LAMA3: variants seen among roughly 807,000 people sequenced by gnomAD.
LAMA3 encodes the protein laminin subunit alpha 3.
Under a neutral mutation model 402.0 loss-of-function variants are expected in LAMA3, and 281 were observed. The observed-to-expected ratio is 0.70, with a 90% CI of 0.63 to 0.77. The LOEUF is 0.77. Ranked by LOEUF, LAMA3 falls within the 30% of genes least tolerant of loss-of-function variation. The pLI, the probability that LAMA3 is intolerant of heterozygous loss-of-function variation, is 0.00. For missense variants in LAMA3, 3,840 were observed against 4,215.5 expected (o/e 0.91, Z 2.47); for synonymous variants, 1,431 against 1,558.4 (o/e 0.92, Z 1.93).
At chr18:23,794,024 A>G (rs573097816) in intron 12 of LAMA3, among the ~76,000 whole-genome samples, 6 of 152,382 alleles carry the variant, frequency 3.9e-5, no homozygotes, top group African/African-American at 1.4e-4. Flanking sequence ...GAAGATACAC[A>G]TAAGACGAGA....
intron 12 of LAMA3, among the ~76,000 whole-genome samples, chr18:23,792,370 A>G (rs2062675492): frequency 6.6e-6 from 1 of 152,216 alleles, no homozygotes; most frequent in African/African-American, 2.4e-5. Flanking sequence ...GAAGTGGAGC[A>G]GTAAGTGAGC....
Position 23,839,655 on chromosome 18 carries a change from G to A in LAMA3, c.3192-130G>A, listed in dbSNP as rs143195330. 1,877 of 902,296 alleles carry A rather than the reference G, an allele frequency of 2.1e-3. 42 individuals are homozygous for A. In the East Asian group the frequency reaches 0.041, roughly 20 times the overall value. 55.9% of individuals were successfully genotyped at this position (902,296 alleles called of 1,614,324 possible). ...TATATAAAGATCCCTAGAGTTCTGT[G>A]CTTCCCCCAGCACTGGATCCTTTTG... On this transcript the variant is annotated intron_variant, in intron 26 of 74. Transcript: ENST00000313654. The surrounding 1 kb of genome is among the most constrained non-coding windows in gnomAD (Gnocchi z 4.5).
At chr18:23,750,777 C>T in intron 4 of LAMA3, 141 bp from the exon 5 acceptor site, 1 of 818,160 alleles carries the variant, frequency 1.2e-6, no homozygotes, top group Non-Finnish European at 2.1e-6. Context: ...TAGACATAAA[C>T]AAGACCCAAG....
rs1009802661 is a variant in LAMA3 at position 23,689,735 on chromosome 18, C to G, written c.52C>G (p.Pro18Ala). 21 of 1,491,890 alleles carry G rather than the reference C, an allele frequency of 1.4e-5. No homozygotes were observed. The highest frequency in any genetic ancestry group is 1.9e-5 in the Non-Finnish European group (21 of 1,125,198). 92.4% of individuals were successfully genotyped at this position (1,491,890 alleles called of 1,614,324 possible). A position where few individuals can be genotyped will look rare whatever the true frequency, so the allele number is the denominator to read the frequency against. ...RGRALGPVLP[P>A]TPLLLLVLRV... ...TCGGGCACTGGGGCCAGTACTGCCG[C>G]CGACGCCGCTGCTCCTGCTGGTACT... The change falls in exon 1 of 75, where the codon CCG (proline) becomes GCG (alanine). Residue 18 changes from proline (P) to alanine (A), a missense_variant. Around this residue, in one of 3 missense-constraint regions of LAMA3, gnomAD observed 2,109 missense variants for 2,376.0 expected, o/e 0.89. Coordinates refer to ENST00000313654, the MANE Select transcript of LAMA3 (RefSeq NM_198129.4).
At chr18:23,933,726 G>T in intron 66 of LAMA3, 56 bp from the exon 67 acceptor site, 2 of 1,591,722 alleles carry the variant, frequency 1.3e-6, no homozygotes, top group Non-Finnish European at 1.7e-6. Context: ...CTACCAGAGG[G>T]TCTTCCTCGA....
chr18:23,820,086 G>A, intron 19 of LAMA3, 89 bp downstream of exon 19: 1 of 1,302,506 alleles, frequency 7.7e-7, no homozygotes, highest in South Asian at 1.2e-5. Flanking sequence ...AAGGTGACCT[G>A]TCCCCAGAAC....
At chr18:23,744,082 TC>T (rs1336360717) in intron 2 of LAMA3, among the ~76,000 whole-genome samples, 1 of 152,094 alleles carries the variant, frequency 6.6e-6, no homozygotes, top group African/African-American at 2.4e-5. Context: ...ACAGAATAAA[TC>T]CCTACCTGTT....
intron 38 of LAMA3, among the ~76,000 whole-genome samples, chr18:23,875,089 T>C (rs921888260): frequency 2.6e-5 from 4 of 152,178 alleles, no homozygotes; most frequent in Non-Finnish European, 5.9e-5. Context: ...GATCTCGAAC[T>C]CCTGGGCTCA....
At chr18:23,773,939 G>A (rs1161669748) in intron 9 of LAMA3, among the ~76,000 whole-genome samples, 1 of 151,962 alleles carries the variant, frequency 6.6e-6, no homozygotes, top group Non-Finnish European at 1.5e-5. Context: ...TCAATTTTTG[G>A]GCTGGAGGCA....
intron 13 of LAMA3, 125 bp from the exon 14 acceptor site, chr18:23,812,932 A>T (rs551121782): frequency 2.7e-5 from 19 of 700,804 alleles, no homozygotes; most frequent in African/African-American, 2.3e-4. Context: ...ACTTTGCCAC[A>T]CATCTATCGA....
intron 8 of LAMA3, among the ~76,000 whole-genome samples, chr18:23,770,629 C>T (rs966775294): frequency 6.6e-5 from 10 of 152,102 alleles, no homozygotes; most frequent in South Asian, 2.1e-4. Context: ...GGCATGGTGG[C>T]GGGCGCCTGT....
At chr18:23,777,772 C>A (rs2062355136) in intron 11 of LAMA3, 153 bp downstream of exon 11, 5 of 708,856 alleles carry the variant, frequency 7.1e-6, no homozygotes, top group Non-Finnish European at 1.3e-5. Context: ...ACCTACTCCC[C>A]ACCCATCAGT....
At chr18:23,870,693 A>G (rs2064491327) in intron 37 of LAMA3, among the ~76,000 whole-genome samples, 1 of 152,244 alleles carries the variant, frequency 6.6e-6, no homozygotes, top group Non-Finnish European at 1.5e-5. Context: ...TATAATATAG[A>G]TGAACCTTGA....
At chr18:23,750,522 A>G (rs1255037066) in intron 4 of LAMA3, among the ~76,000 whole-genome samples, 1 of 102,260 alleles carries the variant, frequency 9.8e-6, no homozygotes, top group African/African-American at 3.8e-5. Flanking sequence ...AACCTCATGT[A>G]GATTTTTGGG....
intron 38 of LAMA3, 81 bp downstream of exon 38, chr18:23,871,742 G>C: frequency 9.1e-7 from 1 of 1,096,636 alleles, no homozygotes; most frequent in Non-Finnish European, 1.4e-6. Flanking sequence ...CTGTGGGATG[G>C]TTTGGGGCCC....
chr18:23,894,768 T>A, intron 43 of LAMA3, 139 bp from the exon 44 acceptor site: 2 of 1,019,884 alleles, frequency 2.0e-6, no homozygotes, highest in Non-Finnish European at 3.0e-6. Context: ...TCCACATCCA[T>A]CCCTGAGAAG....
rs778769615 is a variant in LAMA3 at position 23,887,166 on chromosome 18, CACAG to C, written c.5303+2318_5303+2321del. Among the ~76,000 whole-genome samples, 7 of 152,310 alleles carry C rather than the reference CACAG, an allele frequency of 4.6e-5. No homozygotes were observed. The East Asian group carries it at 1.2e-3, about 25-fold the overall frequency. ...GTACTGGAGGCACATTAACAAACAGCACAGACAGTGTCCTCAAGGGCTTTCCAGT... is the reference window on the plus strand; with the variant it reads ...GTACTGGAGGCACATTAACAAACAGCACAGTGTCCTCAAGGGCTTTCCAGT... On this transcript the variant is annotated intron_variant, in intron 41 of 74. Coordinates refer to ENST00000313654, the MANE Select transcript of LAMA3 (RefSeq NM_198129.4).
At chr18:23,713,106 T>C (rs2061027334) in intron 1 of LAMA3, among the ~76,000 whole-genome samples, 1 of 152,198 alleles carries the variant, frequency 6.6e-6, no homozygotes, top group East Asian at 1.9e-4. Context: ...TTAGAGATTA[T>C]AATACCAAAC....
chr18:23,880,992 T>C (rs1204052421), intron 39 of LAMA3, among the ~76,000 whole-genome samples: 1 of 152,024 alleles, frequency 6.6e-6, no homozygotes, highest in African/African-American at 2.4e-5. Flanking sequence ...TTTAAAATTA[T>C]ACTTATTCCA....
Sources: allele counts gnomAD v4.1 joint callset (sites outside exome capture counted in the v4.1 genomes callset), GRCh38; gene constraint gnomAD v4.1.1; regional missense constraint gnomAD v4.1.1; non-coding constraint Gnocchi (gnomAD v3.1); transcripts MANE v1.5; gene names NCBI Gene and HGNC (gene_info 2026-07-23, HGNC 2026-07-21).